The following PTPRD variants were observed in gnomAD, a reference collection of about 807,000 sequenced individuals.
The protein encoded by PTPRD is protein tyrosine phosphatase receptor type D, also known as receptor-type tyrosine-protein phosphatase delta.
PTPRD carries 34 observed loss-of-function variants against 214.5 expected under a neutral mutation model. The ratio of observed to expected loss-of-function variants is 0.16; its 90% CI spans 0.12 to 0.21. PTPRD has a LOEUF of 0.21. Ranked by LOEUF, PTPRD falls within the 10% of genes least tolerant of loss-of-function variation. The pLI is 1.00. For missense variants in PTPRD, 2,545 were observed against 2,398.7 expected (o/e 1.06, Z -1.27); for synonymous variants, 1,128 against 845.7 (o/e 1.33, Z -5.79).
chr9:8,907,411 G>A (rs11791011), intron 11 of PTPRD, among the ~76,000 whole-genome samples: 53,151 of 150,778 alleles, frequency 0.35, 10,691 homozygotes, highest in Non-Finnish European at 0.45. Flanking sequence ...CCAGCTACTC[G>A]GGAGGCTGAG....
In PTPRD at chr9:8,581,768, G is replaced by C. The variant is rs530246386; in HGVS notation, c.352+51549C>G. Among the ~76,000 whole-genome samples, 288 of 146,328 alleles carry C rather than the reference G, an allele frequency of 2.0e-3. 3 individuals are homozygous for C. The highest frequency in any genetic ancestry group is 7.1e-3 in the African/African-American group (280 of 39,600). On this transcript the variant is annotated intron_variant, in intron 14 of 45. Coordinates refer to ENST00000381196, the MANE Select transcript of PTPRD (RefSeq NM_002839.4). ...TCTCTAAATAAATAAATAAAAGAAA[G>C]GGAAGGGAAGGGAAGGGGAGGGGAG...
At chr9:8,697,235 G>C (rs1481829258) in intron 12 of PTPRD, among the ~76,000 whole-genome samples, 1 of 151,912 alleles carries the variant, frequency 6.6e-6, no homozygotes. Context: ...AGGGAGAAAA[G>C]GGCTTTTACA....
intron 5 of PTPRD, among the ~76,000 whole-genome samples, chr9:9,794,697 A>G (rs985154633): frequency 2.0e-5 from 3 of 152,330 alleles, no homozygotes; most frequent in South Asian, 2.1e-4. Context: ...TATGTTCTCA[A>G]TTTTACAGAT....
chr9:9,020,234 G>T (rs531659582), intron 10 of PTPRD, among the ~76,000 whole-genome samples: 1 of 152,254 alleles, frequency 6.6e-6, no homozygotes, highest in South Asian at 2.1e-4. Context: ...CTAAAAAAGT[G>T]GAAGGATGTG....
chr9:10,278,985 A>G (rs1015026425), intron 3 of PTPRD, among the ~76,000 whole-genome samples: 21 of 152,128 alleles, frequency 1.4e-4, no homozygotes, highest in East Asian at 7.8e-4. Flanking sequence ...CGTGTTAGCC[A>G]GGATGATCTC....
chr9:9,644,990 G>A (rs1002359564), intron 7 of PTPRD, among the ~76,000 whole-genome samples: 1 of 152,224 alleles, frequency 6.6e-6, no homozygotes, highest in Non-Finnish European at 1.5e-5. Context: ...CAAGAGGGCA[G>A]GGTGTAAAAG....
chr9:8,460,004 T>C (rs1339282166), intron 33 of PTPRD, among the ~76,000 whole-genome samples: 1 of 152,142 alleles, frequency 6.6e-6, no homozygotes, highest in Admixed American at 6.5e-5. Flanking sequence ...ATGATATGTA[T>C]ACAAATTGCA....
chr9:9,741,987 G>T (rs1413175413), intron 6 of PTPRD, among the ~76,000 whole-genome samples: 1 of 151,978 alleles, frequency 6.6e-6, no homozygotes. Flanking sequence ...GCAATTGTTG[G>T]GTCAAATGGT....
At chr9:10,112,426 T>G (rs921357524) in intron 3 of PTPRD, among the ~76,000 whole-genome samples, 4 of 151,388 alleles carry the variant, frequency 2.6e-5, no homozygotes, top group African/African-American at 9.7e-5. Flanking sequence ...AACTGACAAT[T>G]ATCTATTTTT....
intron 2 of PTPRD, among the ~76,000 whole-genome samples, chr9:10,511,934 GTA>G (rs201595111): frequency 0.011 from 714 of 62,874 alleles, 20 homozygotes; most frequent in African/African-American, 0.038. Flanking sequence ...ATATATACGT[GTA>G]TATATATATA....
intron 3 of PTPRD, among the ~76,000 whole-genome samples, chr9:10,319,375 A>G (rs1009650031): frequency 6.6e-6 from 1 of 152,114 alleles, no homozygotes; most frequent in African/African-American, 2.4e-5. Context: ...CACTCAACTA[A>G]TAAGTACATC....
At chr9:9,403,421 T>TCTCTCTC in intron 8 of PTPRD, among the ~76,000 whole-genome samples, 1 of 149,788 alleles carries the variant, frequency 6.7e-6, no homozygotes, top group South Asian at 2.1e-4. Flanking sequence ...CTCTCTCTCT[T>TCTCTCTC]TCTCTCTCTC....
chr9:9,345,415 A>G (rs531222642), intron 9 of PTPRD, among the ~76,000 whole-genome samples: 17 of 152,216 alleles, frequency 1.1e-4, no homozygotes, highest in Non-Finnish European at 1.9e-4. Flanking sequence ...GCAGAGGCTC[A>G]AGTACAGGTT....
chr9:10,042,401 A>G (rs2097312472), intron 3 of PTPRD, among the ~76,000 whole-genome samples: 1 of 151,936 alleles, frequency 6.6e-6, no homozygotes, highest in Non-Finnish European at 1.5e-5. Flanking sequence ...ACACAAAGGT[A>G]GCTCTATAGA....
intron 14 of PTPRD, among the ~76,000 whole-genome samples, chr9:8,611,546 A>G (rs190586991): frequency 6.6e-6 from 1 of 151,952 alleles, no homozygotes; most frequent in South Asian, 2.1e-4. Flanking sequence ...CTCTACAAAA[A>G]ATACAAAAAT....
intron 4 of PTPRD, among the ~76,000 whole-genome samples, chr9:9,995,635 T>C (rs541427979): frequency 6.6e-6 from 1 of 152,286 alleles, no homozygotes; most frequent in Non-Finnish European, 1.5e-5. Flanking sequence ...TCCTCCTGTT[T>C]TGCTCTTAGG....
At chr9:10,087,279 A>G (rs1431484800) in intron 3 of PTPRD, among the ~76,000 whole-genome samples, 1 of 151,688 alleles carries the variant, frequency 6.6e-6, no homozygotes, top group Non-Finnish European at 1.5e-5. Flanking sequence ...TCTTCTCCCA[A>G]ATGGAAATGC....
intron 3 of PTPRD, among the ~76,000 whole-genome samples, chr9:10,260,722 G>C (rs1216567668): frequency 6.6e-6 from 1 of 152,040 alleles, no homozygotes; most frequent in East Asian, 1.9e-4. Context: ...CAGAGAAAGA[G>C]CATGCAAGTT....
chr9:9,357,294 T>C (rs1281322651), intron 9 of PTPRD, among the ~76,000 whole-genome samples: 3 of 151,380 alleles, frequency 2.0e-5, no homozygotes, highest in African/African-American at 4.8e-5. Context: ...AATATTCTTC[T>C]TCTGTTGAAA....
Sources: gnomAD v4.1 joint callset for allele counts (sites outside exome capture counted in the v4.1 genomes callset) on GRCh38, gnomAD v4.1.1 for gene constraint, MANE v1.5 for transcripts, NCBI Gene and HGNC (gene_info 2026-07-23, HGNC 2026-07-21) for gene names.